UBN1: variants seen among roughly 807,000 people sequenced by gnomAD.
UBN1 encodes ubinuclein 1.
Under a neutral mutation model 108.5 loss-of-function variants are expected in UBN1, and 17 were observed. The observed-to-expected ratio is 0.16, with a 90% CI of 0.11 to 0.24. The LOEUF is 0.24. Ranked by LOEUF, UBN1 falls within the 10% of genes least tolerant of loss-of-function variation. The pLI is 1.00. For synonymous variants in UBN1, 726 were observed against 564.2 expected (o/e 1.29, Z -4.07); for missense variants, 1,595 against 1,394.4 (o/e 1.14, Z -2.29).
In UBN1 at chr16:4,852,972, G is replaced by T. The variant is rs373998683; in HGVS notation, c.55G>T (p.Ala19Ser). ...FTSLPGSLNPAFLKKSRKEEA... is the reference protein window; with the variant it reads ...FTSLPGSLNPSFLKKSRKEEA... Reference sequence around the variant, plus strand: ...CTCTCTCCCAGGTTCCCTGAATCCTGCGTTTTTGAAGAAGTCCCGGAAGGA... The same window carrying T: ...CTCTCTCCCAGGTTCCCTGAATCCTTCGTTTTTGAAGAAGTCCCGGAAGGA... Residue 19 changes from alanine to serine, a missense_variant, in exon 2 of 18, where the codon GCG becomes TCG. By Grantham distance (99) the Ala-to-Ser change is moderately conservative (BLOSUM62 1). Coordinates refer to ENST00000262376, the MANE Select transcript of UBN1 (RefSeq NM_001079514.3). The T allele has an allele frequency of 6.2e-7, 1 of 1,614,070 alleles. No individual in the cohort carries two copies. Among genetic ancestry groups the T allele is most frequent in the African/African-American group, 1.3e-5 (1 of 74,916 alleles).
intron 17 of UBN1, among the ~76,000 whole-genome samples, chr16:4,878,195 A>G (rs934767871): frequency 6.6e-6 from 1 of 152,106 alleles, no homozygotes; most frequent in Non-Finnish European, 1.5e-5. Flanking sequence ...GCCTCACCCT[A>G]TCCCGAGTCT....
At position 4,854,650 on chromosome 16, in the gene UBN1, G is replaced by C. The variant is rs141886943; in HGVS notation, c.249+1484G>C. 2.8e-3 allele frequency among the ~76,000 whole-genome samples: 419 copies of C among 151,888 alleles called. 2 individuals carry two copies. The highest frequency in any genetic ancestry group is 9.4e-3 in the African/African-American group (389 of 41,402). On this transcript the variant is annotated intron_variant, in intron 2 of 17. Transcript: ENST00000262376. ...CAAAGTGTTAGGATTATAGGCGTGAGTCACCGCACCTGGCCGTGTTTTTGT... is the reference window on the plus strand; with the variant it reads ...CAAAGTGTTAGGATTATAGGCGTGACTCACCGCACCTGGCCGTGTTTTTGT...
At chr16:4,876,406 G>T (rs1209965782) in intron 15 of UBN1, among the ~76,000 whole-genome samples, 2 of 151,982 alleles carry the variant, frequency 1.3e-5, no homozygotes, top group Non-Finnish European at 2.9e-5. Flanking sequence ...TTAAACAAAA[G>T]ATTAATAAAT....
At chr16:4,864,357 C>G (rs13331025) in intron 7 of UBN1, among the ~76,000 whole-genome samples, 16,243 of 152,154 alleles carry the variant, frequency 0.11, 1,003 homozygotes, top group Admixed American at 0.18. Flanking sequence ...GATATATCTT[C>G]TAACTAAATA....
chr16:4,853,489 A>G (rs2086649134), intron 2 of UBN1, among the ~76,000 whole-genome samples: 1 of 152,134 alleles, frequency 6.6e-6, no homozygotes, highest in Non-Finnish European at 1.5e-5. Flanking sequence ...TTCCTCTTCC[A>G]ACAGAATCTT....
intron 7 of UBN1, among the ~76,000 whole-genome samples, chr16:4,862,540 A>G (rs1345853987): frequency 6.6e-6 from 1 of 152,236 alleles, no homozygotes. Flanking sequence ...TTAACCAAAC[A>G]TTACTCCTTG....
intron 10 of UBN1, 21 bp from the exon 11 acceptor site, chr16:4,870,823 G>A: frequency 6.2e-7 from 1 of 1,613,392 alleles, no homozygotes; most frequent in South Asian, 1.1e-5. Flanking sequence ...GGGGCCCCAT[G>A]TAATTCTATT....
At chr16:4,853,710 C>T (rs558823492) in intron 2 of UBN1, among the ~76,000 whole-genome samples, 11 of 151,956 alleles carry the variant, frequency 7.2e-5, no homozygotes, top group South Asian at 2.1e-4. Context: ...TACAGGTGCA[C>T]GCCACCACAC....
chr16:4,869,893 C>T (rs76967100), intron 8 of UBN1, among the ~76,000 whole-genome samples: 1,678 of 152,268 alleles, frequency 0.011, 32 homozygotes, highest in African/African-American at 0.038. Context: ...TAACTCATGA[C>T]TTTCCACTTT....
rs1225504923 is a variant in UBN1, at chr16:4,856,400, T to C, written c.250-1590T>C. Among the ~76,000 whole-genome samples the C allele has an allele frequency of 3.3e-5, 5 of 152,346 alleles. No individual in the cohort carries two copies. In the East Asian group the frequency reaches 9.6e-4, roughly 29 times the overall value. On this transcript the variant is annotated intron_variant, in intron 2 of 17. Coordinates refer to ENST00000262376, the MANE Select transcript of UBN1 (RefSeq NM_001079514.3). ...CAGGCACATTTGTGCAGCAGTTCTT[T>C]TAGTGTATAGTCCTTAATAGTATGA...
In UBN1 at chr16:4,870,942, G is replaced by T; in HGVS notation, c.1529G>T (p.Arg510Leu). The change falls in exon 11 of 18, where the codon CGG (arginine) becomes CTG (leucine). Residue 510 changes from arginine to leucine, a missense_variant. Arg to Leu is a moderately radical substitution (Grantham distance 102). Transcript: ENST00000262376. ...EKGGRRIMGP[R>L]KKFQWNDEIR... ...GGGGGCAGGAGGATAATGGGACCTC[G>T]GAAGAAGTTCCAATGGAATGATGAG... is the stretch of plus-strand genomic sequence containing the variant. The T allele has an allele frequency of 1.9e-6, 3 of 1,614,126 alleles. No homozygotes were observed. The highest frequency in any genetic ancestry group is 2.5e-6 in the Non-Finnish European group (3 of 1,180,014).
At chr16:4,869,837 G>GA (rs967885697) in intron 8 of UBN1, among the ~76,000 whole-genome samples, 22 of 152,082 alleles carry the variant, frequency 1.4e-4, no homozygotes, top group South Asian at 1.0e-3. Context: ...GGGACTGGGG[G>GA]AAAAAAAAGA....
At chr16:4,879,060 C>T (rs2088000181) in intron 17 of UBN1, among the ~76,000 whole-genome samples, 1 of 152,088 alleles carries the variant, frequency 6.6e-6, no homozygotes, top group Admixed American at 6.5e-5. Context: ...TATGAAAAGG[C>T]TATCAGAATA....
rs1268432141 is a variant in UBN1 at position 4,860,975 on chromosome 16, C to T, written c.983C>T (p.Pro328Leu). Residue 328 changes from proline to leucine, a missense_variant, in exon 7 of 18, where the codon CCC becomes CTC. Pro to Leu is a moderately conservative substitution (Grantham distance 98). Coordinates refer to ENST00000262376, the MANE Select transcript of UBN1 (RefSeq NM_001079514.3). ...CTCAGTGAGTCTCCAGAAGGAAGTC[C>T]CTTCCGAGATATGGATGATGGAAGT... The part of the protein sequence containing the change: ...HLLSESPEGS[P>L]FRDMDDGSDS... 6.2e-7 allele frequency: 1 copy of T among 1,614,240 alleles called. No individual in the cohort carries two copies. The highest frequency in any genetic ancestry group is 1.3e-5 in the African/African-American group (1 of 75,056).
At chr16:4,873,562 T>G (rs1312021738) in intron 14 of UBN1, among the ~76,000 whole-genome samples, 1 of 152,194 alleles carries the variant, frequency 6.6e-6, no homozygotes, top group Non-Finnish European at 1.5e-5. Flanking sequence ...AAATTGCTGT[T>G]TATCAACATT....
rs2086914792 is a variant in UBN1 at position 4,858,662 on chromosome 16, C to T, written c.431C>T (p.Ala144Val). The T allele has an allele frequency of 2.5e-6, 4 of 1,613,902 alleles. No individual in the cohort carries two copies. Among genetic ancestry groups the T allele is most frequent in the Non-Finnish European group, 3.4e-6 (4 of 1,179,792 alleles). ...ESDSFIDNSE[A>V]YDELVPASLT... ...GACTCCTTCATCGATAACTCTGAGG[C>T]GGTAAGTAGTTACTGAAAATGCCGT... is the stretch of plus-strand genomic sequence containing the variant. The change falls in exon 4 of 18, where the codon GCG (alanine) becomes GTG (valine). Residue 144 changes from alanine to valine, a missense_variant and splice_region_variant. By Grantham distance (64) the Ala-to-Val change is moderately conservative (BLOSUM62 0). Coordinates refer to ENST00000262376, the MANE Select transcript of UBN1 (RefSeq NM_001079514.3).
intron 12 of UBN1, among the ~76,000 whole-genome samples, chr16:4,871,745 C>A (rs567195435): frequency 6.6e-6 from 1 of 152,022 alleles, no homozygotes; most frequent in East Asian, 1.9e-4. Context: ...TGCCACCATG[C>A]CCGGCTAATT....
At chr16:4,850,609 T>A (rs909938770) in intron 1 of UBN1, among the ~76,000 whole-genome samples, 7 of 152,224 alleles carry the variant, frequency 4.6e-5, no homozygotes, top group African/African-American at 1.4e-4. Flanking sequence ...TGGGAGATGG[T>A]CTTTTGCAGC....
chr16:4,862,154 C>T (rs1309627230), intron 7 of UBN1, among the ~76,000 whole-genome samples: 1 of 152,160 alleles, frequency 6.6e-6, no homozygotes, highest in Non-Finnish European at 1.5e-5. Context: ...GCTCTAGTGG[C>T]AGTCATAATC....
Sources: gnomAD v4.1 joint callset for allele counts (sites outside exome capture counted in the v4.1 genomes callset) on GRCh38, gnomAD v4.1.1 for gene constraint, MANE v1.5 for transcripts, NCBI Gene and HGNC (gene_info 2026-07-23, HGNC 2026-07-21) for gene names.